Variants in TBC1D5 observed in about 807,000 individuals in gnomAD.
The protein encoded by TBC1D5 is TBC1 domain family, member 5.
A neutral mutation model predicts 100.3 loss-of-function variants in TBC1D5; 75 were observed. The ratio of observed to expected loss-of-function variants is 0.75; its 90% confidence interval spans 0.62 to 0.91. The LOEUF is 0.91. TBC1D5 is among the 40% of genes least tolerant of loss of function. The probability of loss-of-function intolerance (pLI) is 0.00; values close to 1 mark genes in which losing one functional copy is unlikely to be tolerated. For missense variants in TBC1D5, 910 were observed against 942.4 expected (o/e 0.97, Z 0.45); for synonymous variants, 323 against 325.6 (o/e 0.99, Z 0.09).
chr3:17,508,568 C>T, exon 3 of TBC1D5: 1 of 1,612,682 alleles, frequency 6.2e-7, no homozygotes, highest in Non-Finnish European at 8.5e-7. Context: ...AGGAATGATA[C>T]ATTGTGGGAA....
At position 17,594,094 on chromosome 3, in the gene TBC1D5, CAAT is replaced by C. The variant is rs528140775; in HGVS notation, c.-36+29752_-36+29754del. The stretch of plus-strand genomic sequence containing the variant: ...GGAACGATGGCACCAGGAGACACAA[CAAT>C]GATTCCATTAAATTGGAAGTTAAGA... On this transcript the variant is annotated intron_variant, in intron 2 of 21. Coordinates refer to ENST00000253692, the Ensembl canonical transcript of TBC1D5. 5.4e-4 allele frequency among the ~76,000 whole-genome samples: 82 copies of C among 152,284 alleles called. No individual in the cohort carries two copies. The East Asian group carries it at 9.1e-3, about 17-fold the overall frequency.
chr3:17,631,061 AAGTT>A (rs1389923720), intron 1 of TBC1D5, among the ~76,000 whole-genome samples: 14 of 151,018 alleles, frequency 9.3e-5, no homozygotes, highest in Admixed American at 4.0e-4. Flanking sequence ...AAAAAAAAAA[AAGTT>A]AGGCCTCCTG....
intron 1 of TBC1D5, among the ~76,000 whole-genome samples, chr3:17,711,065 GCATT>G (rs2074684332): frequency 6.6e-6 from 1 of 152,122 alleles, no homozygotes; most frequent in African/African-American, 2.4e-5. Context: ...CTAGCACTTA[GCATT>G]CATTATTAAA....
At chr3:17,717,851 T>A (rs2075363841) in intron 1 of TBC1D5, among the ~76,000 whole-genome samples, 1 of 152,174 alleles carries the variant, frequency 6.6e-6, no homozygotes, top group Non-Finnish European at 1.5e-5. Context: ...AATAACCACC[T>A]TTACACTTAC....
At chr3:17,448,786 T>TA (rs143800445) in intron 3 of TBC1D5, among the ~76,000 whole-genome samples, 13,861 of 152,220 alleles carry the variant, frequency 0.091, 1,419 homozygotes, top group African/African-American at 0.26. Flanking sequence ...GGAGATTTAA[T>TA]TAACTCTTAA....
intron 1 of TBC1D5, among the ~76,000 whole-genome samples, chr3:17,676,509 A>T (rs2068656166): frequency 6.6e-6 from 1 of 152,210 alleles, no homozygotes; most frequent in Non-Finnish European, 1.5e-5. Flanking sequence ...AGAGGACACA[A>T]ACAAATGGAA....
At chr3:17,519,017 G>A (rs901933171) in intron 2 of TBC1D5, 6 of 152,394 alleles carry the variant, frequency 3.9e-5, no homozygotes, top group African/African-American at 1.4e-4. Flanking sequence ...TGAGAGCAGA[G>A]GGCTGTGTAA....
chr3:17,685,344 T>C (rs2070111573), intron 1 of TBC1D5, among the ~76,000 whole-genome samples: 1 of 152,000 alleles, frequency 6.6e-6, no homozygotes, highest in Admixed American at 6.6e-5. Flanking sequence ...AATTAACTTA[T>C]AAATAATTTA....
intron 15 of TBC1D5, among the ~76,000 whole-genome samples, chr3:17,276,752 A>C (rs1406240523): frequency 6.6e-6 from 1 of 152,224 alleles, no homozygotes; most frequent in Non-Finnish European, 1.5e-5. Context: ...CTTTCTGTGC[A>C]CATGGCTCTA....
chr3:17,307,891 A>G, intron 14 of TBC1D5, 101 bp downstream of exon 14: 3 of 1,467,412 alleles, frequency 2.0e-6, no homozygotes, highest in Non-Finnish European at 2.8e-6. Flanking sequence ...ATTGAGGTAC[A>G]TGCAAATCAA....
intron 3 of TBC1D5, among the ~76,000 whole-genome samples, chr3:17,493,119 G>A (rs372160425): frequency 2.6e-5 from 4 of 152,118 alleles, no homozygotes; most frequent in African/African-American, 7.2e-5. Flanking sequence ...ATCTTGCAAG[G>A]CAAGCCTAAT....
At chr3:17,528,754 T>G (rs982724432) in intron 2 of TBC1D5, among the ~76,000 whole-genome samples, 1 of 152,132 alleles carries the variant, frequency 6.6e-6, no homozygotes, top group Non-Finnish European at 1.5e-5. Flanking sequence ...CTACAATATT[T>G]TGTGGAAAAG....
chr3:17,645,082 T>G (rs1458807235), intron 1 of TBC1D5, among the ~76,000 whole-genome samples: 1 of 152,104 alleles, frequency 6.6e-6, no homozygotes, highest in Non-Finnish European at 1.5e-5. Flanking sequence ...GGTACCTAAT[T>G]TGTATCTGCA....
At chr3:17,610,266 C>G (rs751878666) in intron 2 of TBC1D5, among the ~76,000 whole-genome samples, 8 of 152,086 alleles carry the variant, frequency 5.3e-5, no homozygotes, top group African/African-American at 9.7e-5. Flanking sequence ...TTCACTGCAA[C>G]CTCAACCTCC....
intron 16 of TBC1D5, among the ~76,000 whole-genome samples, chr3:17,248,327 T>C (rs1215145824): frequency 6.6e-6 from 1 of 152,226 alleles, no homozygotes; most frequent in Non-Finnish European, 1.5e-5. Flanking sequence ...TTGATGAGTG[T>C]TGAAATCAAC....
chr3:17,558,300 G>T (rs1236685819), intron 2 of TBC1D5, among the ~76,000 whole-genome samples: 1 of 152,024 alleles, frequency 6.6e-6, no homozygotes, highest in Non-Finnish European at 1.5e-5. Context: ...AAACACAAAT[G>T]TAACCAACTA....
At chr3:17,252,094 T>C (rs2077228724) in intron 16 of TBC1D5, among the ~76,000 whole-genome samples, 1 of 152,214 alleles carries the variant, frequency 6.6e-6, no homozygotes, top group South Asian at 2.1e-4. Flanking sequence ...TTTTTCAAAA[T>C]GTAAAATTCT....
chr3:17,166,734 G>A (rs2066639068), intron 21 of TBC1D5, 33 bp downstream of exon 22: 1 of 1,583,352 alleles, frequency 6.3e-7, no homozygotes, highest in Admixed American at 1.9e-5. Flanking sequence ...CTCCCTTTGA[G>A]TTAATGTAAC....
intron 3 of TBC1D5, among the ~76,000 whole-genome samples, chr3:17,460,673 C>T (rs1419548678): frequency 6.6e-6 from 1 of 151,670 alleles, no homozygotes; most frequent in Non-Finnish European, 1.5e-5. Context: ...TTTTTCAGCT[C>T]TTAGCGCATA....
Sources: allele counts gnomAD v4.1 joint callset (sites outside exome capture counted in the v4.1 genomes callset), GRCh38; gene constraint gnomAD v4.1.1; transcripts MANE v1.5; gene names NCBI Gene and HGNC (gene_info 2026-07-23, HGNC 2026-07-21).